EMC2: variants seen among roughly 807,000 people sequenced by gnomAD.
EMC2 encodes TPR repeat protein 35.
A neutral mutation model predicts 51.6 loss-of-function variants in EMC2; 37 were observed. The ratio of observed to expected loss-of-function variants is 0.72; its 90% confidence interval spans 0.55 to 0.94. The LOEUF is 0.94. Among genes scored for constraint, EMC2 ranks in the 40% least tolerant of loss-of-function variants. EMC2 has a pLI of 0.00. For synonymous variants in EMC2, 131 were observed against 112.4 expected, an observed-to-expected ratio of 1.17 and a Z score of -1.04; for missense variants, 359 against 350.9, an observed-to-expected ratio of 1.02 and a Z score of -0.18.
At chr8:108,449,722 C>T (rs1021226155) in intron 1 of EMC2, 101 bp from the exon 2 acceptor site, 2 of 565,386 alleles carry the variant, frequency 3.5e-6, no homozygotes, top group African/African-American at 3.9e-5. Context: ...TTTTCCTTAC[C>T]TAAAAAGCTG....
chr8:108,478,350 T>G (rs1190612029), intron 9 of EMC2, among the ~76,000 whole-genome samples: 1 of 152,062 alleles, frequency 6.6e-6, no homozygotes, highest in African/African-American at 2.4e-5. Flanking sequence ...TTTAAATACA[T>G]TTTTAAAAAG....
chr8:108,454,276 T>G (rs1819100856), intron 4 of EMC2, among the ~76,000 whole-genome samples: 1 of 152,118 alleles, frequency 6.6e-6, no homozygotes, highest in Admixed American at 6.5e-5. Flanking sequence ...ATTGCTCTTG[T>G]TATTTTTTCT....
At chr8:108,471,812 G>C (rs941080060) in intron 7 of EMC2, among the ~76,000 whole-genome samples, 1 of 151,812 alleles carries the variant, frequency 6.6e-6, no homozygotes, top group Non-Finnish European at 1.5e-5. Context: ...AAAATTGCTT[G>C]ATTAAATAAG....
At chr8:108,464,675 C>T (rs1819423985) in intron 5 of EMC2, among the ~76,000 whole-genome samples, 1 of 152,196 alleles carries the variant, frequency 6.6e-6, no homozygotes, top group South Asian at 2.1e-4. Flanking sequence ...CTCTGTGTGA[C>T]TGTGGAGCAA....
chr8:108,471,246 T>C (rs1284531086), intron 7 of EMC2, among the ~76,000 whole-genome samples: 2 of 151,876 alleles, frequency 1.3e-5, no homozygotes, highest in Non-Finnish European at 2.9e-5. Flanking sequence ...ATAATACTTA[T>C]ATTTAAATAC....
At chr8:108,464,661 A>G (rs550988331) in intron 5 of EMC2, among the ~76,000 whole-genome samples, 2 of 152,208 alleles carry the variant, frequency 1.3e-5, no homozygotes, top group African/African-American at 2.4e-5. Context: ...AACAGAACAC[A>G]GGCCTCTGTG....
intron 5 of EMC2, among the ~76,000 whole-genome samples, chr8:108,458,300 C>T (rs13274689): frequency 0.17 from 25,419 of 152,092 alleles, 3,793 homozygotes; most frequent in African/African-American, 0.4. Context: ...GTCTGGAGGA[C>T]GGTGGCCCTT....
At chr8:108,469,121 C>T (rs996539406) in intron 5 of EMC2, among the ~76,000 whole-genome samples, 4 of 152,002 alleles carry the variant, frequency 2.6e-5, no homozygotes, top group South Asian at 2.1e-4. Context: ...TTATTTGATA[C>T]GTTTTTGTCA....
intron 1 of EMC2, among the ~76,000 whole-genome samples, chr8:108,448,762 TC>T (rs1360697544): frequency 6.6e-6 from 1 of 152,192 alleles, no homozygotes; most frequent in Admixed American, 6.5e-5. Flanking sequence ...TTTACTCCTT[TC>T]CAGTTTATCT....
intron 1 of EMC2, among the ~76,000 whole-genome samples, chr8:108,443,923 C>G (rs1259061589): frequency 6.6e-6 from 1 of 152,188 alleles, no homozygotes; most frequent in Non-Finnish European, 1.5e-5. Flanking sequence ...ACCTGCCCTC[C>G]TCCGCGCCAG....
Position 108,454,841 on chromosome 8 carries a change from A to T in EMC2, c.306-1032A>T, listed in dbSNP as rs576190734. ...TGTCACATTTAATGGGCAGTTTCTCAGGATACAGAATTCTAAGTTGGTTTT... is the reference window on the plus strand; with the variant it reads ...TGTCACATTTAATGGGCAGTTTCTCTGGATACAGAATTCTAAGTTGGTTTT... On this transcript the variant is annotated intron_variant, in intron 4 of 10. Transcript: ENST00000220853. 3.9e-5 allele frequency among the ~76,000 whole-genome samples: 6 copies of T among 152,208 alleles called. No individual in the cohort carries two copies. In the East Asian group the frequency reaches 1.2e-3, roughly 29 times the overall value.
intron 10 of EMC2, among the ~76,000 whole-genome samples, chr8:108,479,987 A>G (rs760494771): frequency 6.6e-6 from 1 of 152,136 alleles, no homozygotes; most frequent in Non-Finnish European, 1.5e-5. Flanking sequence ...TTGTCTGGTT[A>G]CGCAAAGGAA....
chr8:108,484,897 G>A (rs1811107371), intron 10 of EMC2, among the ~76,000 whole-genome samples: 1 of 151,992 alleles, frequency 6.6e-6, no homozygotes, highest in African/African-American at 2.4e-5. Context: ...TGATATTGCT[G>A]TTACCATATT....
chr8:108,464,443 G>A (rs1819416360), intron 5 of EMC2, among the ~76,000 whole-genome samples: 1 of 152,186 alleles, frequency 6.6e-6, no homozygotes, highest in South Asian at 2.1e-4. Flanking sequence ...TCCAGTGCCA[G>A]CAAAGCCTCC....
chr8:108,457,239 C>T (rs566998406), intron 5 of EMC2, among the ~76,000 whole-genome samples: 2 of 152,006 alleles, frequency 1.3e-5, no homozygotes, highest in Admixed American at 6.6e-5. Context: ...TTTTCCCACC[C>T]CAGGGAGATT....
In EMC2 at chr8:108,443,667, G is replaced by A. The variant is rs771756287; in HGVS notation, c.9G>A (p.Lys3=). MA[K]VSELYDVTWE... is the part of the protein sequence containing the mutation. ...CTCTAGGTTCTGGGAAGATGGCGAA[G>A]GTCTCAGAGCTTTACGATGTCACTT... is the stretch of plus-strand genomic sequence containing the variant. Residue 3 remains lysine, a synonymous_variant, in exon 1 of 11, where the codon AAG becomes AAA. Transcript: ENST00000220853. The A allele has an allele frequency of 4.3e-6, 7 of 1,609,756 alleles. No homozygotes were observed. In the South Asian group the frequency reaches 6.7e-5, roughly 15 times the overall value.
rs765111561 is a variant in EMC2 at position 108,486,650 on chromosome 8, T to C, written c.*52T>C. On this transcript the variant is annotated 3_prime_UTR_variant, in exon 11 of 11. Transcript: ENST00000220853. The stretch of plus-strand genomic sequence containing the variant: ...TTTCACAACTGCACAATTGAACTTA[T>C]TGGCCTGTAACTTATTTACTAAATG... The C allele has an allele frequency of 4.6e-6, 7 of 1,530,572 alleles. No homozygotes were observed. The highest frequency in any genetic ancestry group is 2.5e-5 in the South Asian group (2 of 78,708). 94.8% of individuals were successfully genotyped at this position (1,530,572 alleles called of 1,614,324 possible).
Position 108,455,942 on chromosome 8 carries a change from G to T in EMC2, c.363+12G>T. 1 of 1,287,132 alleles carries T rather than the reference G, an allele frequency of 7.8e-7. No individual in the cohort carries two copies. The allele number at this position is 1,287,132 out of a possible 1,614,324, so 79.7% of individuals were successfully genotyped here. A position where few individuals can be genotyped will look rare whatever the true frequency, so the allele number is the denominator to read the frequency against. ...ATCCAACTAACACTGTAAGTTGGCAGATTGTCTTGAAAAAAATCTAAAGTT... is the reference window on the plus strand; with the variant it reads ...ATCCAACTAACACTGTAAGTTGGCATATTGTCTTGAAAAAAATCTAAAGTT... On this transcript the variant is annotated intron_variant, in intron 5 of 10. Transcript: ENST00000220853.
chr8:108,443,663 C>A lies in EMC2; in HGVS notation c.5C>A (p.Ala2Glu). The change falls in exon 1 of 11, where the codon GCG becomes GAG. Residue 2 changes from alanine (A) to glutamate (E), a missense_variant. Physicochemically the swap from Ala to Glu is moderately radical, Grantham distance 107. Coordinates refer to ENST00000220853, the MANE Select transcript of EMC2 (RefSeq NM_014673.5). M[A>E]KVSELYDVTW... The stretch of plus-strand genomic sequence containing the variant: ...CTGCCTCTAGGTTCTGGGAAGATGG[C>A]GAAGGTCTCAGAGCTTTACGATGTC... The A allele has an allele frequency of 6.2e-7, 1 of 1,609,252 alleles. No individual in the cohort carries two copies. The highest frequency in any genetic ancestry group is 1.1e-5 in the South Asian group (1 of 90,022).
Sources: gnomAD v4.1 joint callset for allele counts (sites outside exome capture counted in the v4.1 genomes callset) on GRCh38, gnomAD v4.1.1 for gene constraint, MANE v1.5 for transcripts, NCBI Gene and HGNC (gene_info 2026-07-23, HGNC 2026-07-21) for gene names.